BTBD9: variants seen among roughly 807,000 people sequenced by gnomAD.
BTBD9 encodes the protein BTB domain containing 9, also known as BTB/POZ domain-containing protein 9.
A neutral mutation model predicts 64.3 loss-of-function variants in BTBD9; 49 were observed. The ratio of observed to expected loss-of-function variants is 0.76; its 90% CI spans 0.61 to 0.97. BTBD9 has a LOEUF of 0.97. Ranked by LOEUF, BTBD9 falls within the 50% of genes least tolerant of loss-of-function variation. The probability of loss-of-function intolerance (pLI) is 0.00; values close to 1 mark genes in which losing one functional copy is unlikely to be tolerated. For missense variants in BTBD9, 598 were observed against 762.1 expected, an observed-to-expected ratio of 0.78 and a Z score of 2.53; for synonymous variants, 260 against 274.7, an observed-to-expected ratio of 0.95 and a Z score of 0.53.
intron 6 of BTBD9, among the ~76,000 whole-genome samples, chr6:38,386,935 G>A (rs995872174): frequency 3.3e-5 from 5 of 152,058 alleles, no homozygotes; most frequent in Non-Finnish European, 7.4e-5. Flanking sequence ...CAGCCAACGC[G>A]TCTGGCCCAA....
At chr6:38,413,904 A>G (rs1767550555) in intron 6 of BTBD9, among the ~76,000 whole-genome samples, 1 of 152,182 alleles carries the variant, frequency 6.6e-6, no homozygotes, top group African/African-American at 2.4e-5. Context: ...AATGGTTGTA[A>G]TAAGGTGTCT....
intron 9 of BTBD9, among the ~76,000 whole-genome samples, chr6:38,238,486 T>TC (rs1238667805): frequency 2.0e-5 from 3 of 149,902 alleles, no homozygotes; most frequent in African/African-American, 7.4e-5. Context: ...TGTTTTTTTT[T>TC]TTTTGAGACG....
chr6:38,550,595 C>A (rs1774754780), intron 6 of BTBD9, among the ~76,000 whole-genome samples: 1 of 152,188 alleles, frequency 6.6e-6, no homozygotes, highest in South Asian at 2.1e-4. Flanking sequence ...GGATTATAGG[C>A]ATGAGCCACC....
chr6:38,596,382 T>C (rs1308211021), intron 2 of BTBD9, among the ~76,000 whole-genome samples: 1 of 152,214 alleles, frequency 6.6e-6, no homozygotes, highest in Non-Finnish European at 1.5e-5. Context: ...TGAGTTTTTT[T>C]TAAGGATATA....
intron 6 of BTBD9, among the ~76,000 whole-genome samples, chr6:38,377,792 A>T (rs980367536): frequency 4.6e-5 from 7 of 152,112 alleles, no homozygotes; most frequent in Admixed American, 2.0e-4. Flanking sequence ...TCCACATAGT[A>T]TTTTTTTTCT....
intron 6 of BTBD9, among the ~76,000 whole-genome samples, chr6:38,506,271 A>AC (rs1169697074): frequency 6.6e-6 from 1 of 152,232 alleles, no homozygotes; most frequent in East Asian, 1.9e-4. Flanking sequence ...CACCTAACTT[A>AC]CCAAACATCA....
At chr6:38,501,250 G>A (rs1410429075) in intron 6 of BTBD9, among the ~76,000 whole-genome samples, 2 of 152,138 alleles carry the variant, frequency 1.3e-5, no homozygotes, top group Non-Finnish European at 2.9e-5. Context: ...TCCAGAATCT[G>A]ACTTTTTTGA....
chr6:38,407,239 T>C (rs1767211606), intron 6 of BTBD9, among the ~76,000 whole-genome samples: 1 of 152,228 alleles, frequency 6.6e-6, no homozygotes, highest in Non-Finnish European at 1.5e-5. Context: ...ACATATAAAA[T>C]AAAATTGCCA....
chr6:38,554,396 C>T (rs970752812), intron 6 of BTBD9, among the ~76,000 whole-genome samples: 1 of 152,124 alleles, frequency 6.6e-6, no homozygotes, highest in Non-Finnish European at 1.5e-5. Context: ...AATGGAAGTG[C>T]CAGCCACTTT....
intron 4 of BTBD9, among the ~76,000 whole-genome samples, chr6:38,582,594 C>T (rs940297076): frequency 2.0e-5 from 3 of 152,160 alleles, no homozygotes; most frequent in African/African-American, 7.2e-5. Context: ...ATGGCCATAC[C>T]TTCTCCCTCT....
At chr6:38,230,632 A>G (rs895979586) in intron 9 of BTBD9, among the ~76,000 whole-genome samples, 1 of 152,012 alleles carries the variant, frequency 6.6e-6, no homozygotes, top group Non-Finnish European at 1.5e-5. Flanking sequence ...ATATGATCGG[A>G]GATCTACTGG....
At chr6:38,300,388 C>T (rs1187180986) in intron 7 of BTBD9, among the ~76,000 whole-genome samples, 1 of 152,000 alleles carries the variant, frequency 6.6e-6, no homozygotes, top group African/African-American at 2.4e-5. Context: ...TTTTCCAATT[C>T]TGTGAAGAAA....
chr6:38,532,230 G>A (rs1773831207), intron 6 of BTBD9, among the ~76,000 whole-genome samples: 1 of 152,186 alleles, frequency 6.6e-6, no homozygotes, highest in African/African-American at 2.4e-5. Context: ...GGCCACAACA[G>A]CAGGAGCATT....
At chr6:38,342,165 TA>T (rs1413781599) in intron 7 of BTBD9, among the ~76,000 whole-genome samples, 9 of 151,818 alleles carry the variant, frequency 5.9e-5, no homozygotes, top group Non-Finnish European at 1.3e-4. Context: ...GCCTAGAGAA[TA>T]ACTAAAGGAG....
At chr6:38,207,276 T>C in intron 9 of BTBD9, 2 of 238,058 alleles carry the variant, frequency 8.4e-6, no homozygotes, top group East Asian at 1.5e-4. Flanking sequence ...GAAAATGGGG[T>C]CAATGATGTA....
At chr6:38,288,840 T>C (rs556500115) in intron 7 of BTBD9, among the ~76,000 whole-genome samples, 5 of 152,052 alleles carry the variant, frequency 3.3e-5, no homozygotes, top group Non-Finnish European at 7.4e-5. Context: ...GGCAAGAGAA[T>C]TGCTTGAACC....
intron 6 of BTBD9, among the ~76,000 whole-genome samples, chr6:38,486,545 G>A (rs1012941542): frequency 6.6e-6 from 1 of 152,164 alleles, no homozygotes; most frequent in African/African-American, 2.4e-5. Context: ...AGGGAGATTG[G>A]AGGACAGGGA....
intron 9 of BTBD9, among the ~76,000 whole-genome samples, chr6:38,202,671 C>A (rs767130355): frequency 6.6e-6 from 1 of 152,082 alleles, no homozygotes; most frequent in African/African-American, 2.4e-5. Context: ...GGAAAGGATA[C>A]CCTCTTCAAT....
intron 6 of BTBD9, among the ~76,000 whole-genome samples, chr6:38,448,184 G>GT (rs1003854033): frequency 4.0e-5 from 6 of 150,922 alleles, no homozygotes; most frequent in African/African-American, 1.5e-4. Context: ...CCACAATAGT[G>GT]TATCACTTTG....
Sources: allele counts gnomAD v4.1 joint callset (sites outside exome capture counted in the v4.1 genomes callset), GRCh38; gene constraint gnomAD v4.1.1; transcripts MANE v1.5; gene names NCBI Gene and HGNC (gene_info 2026-07-23, HGNC 2026-07-21).